The following LIMD1 variants were observed in gnomAD, a reference collection of about 807,000 sequenced individuals.
LIMD1 encodes the protein LIM domain containing 1, also known as LIM domain-containing protein 1.
Under a neutral mutation model 58.4 loss-of-function variants are expected in LIMD1, and 23 were observed. The observed-to-expected ratio is 0.39, with a 90% CI of 0.28 to 0.56. LIMD1 has a LOEUF of 0.56. Among genes scored for constraint, LIMD1 ranks in the 20% least tolerant of loss-of-function variants. The pLI is 0.57. For missense variants in LIMD1, 838 were observed against 855.5 expected, an observed-to-expected ratio of 0.98 and a Z score of 0.25; for synonymous variants, 334 against 345.5, an observed-to-expected ratio of 0.97 and a Z score of 0.37.
intron 2 of LIMD1, among the ~76,000 whole-genome samples, chr3:45,641,089 T>G (rs1340534059): frequency 6.6e-6 from 1 of 152,162 alleles, no homozygotes; most frequent in Non-Finnish European, 1.5e-5. Context: ...AGGTCCTGAG[T>G]GTGTCTCTGT....
At chr3:45,599,985 A>G (rs1281356318) in intron 1 of LIMD1, among the ~76,000 whole-genome samples, 1 of 152,138 alleles carries the variant, frequency 6.6e-6, no homozygotes, top group Non-Finnish European at 1.5e-5. Flanking sequence ...AAGAGACCAC[A>G]TGCTCCTCCA....
chr3:45,631,188 GTGAGACTCTGTCTCAAATA>G (rs1701729414), intron 1 of LIMD1, among the ~76,000 whole-genome samples: 1 of 151,924 alleles, frequency 6.6e-6, no homozygotes, highest in African/African-American at 2.4e-5. Flanking sequence ...GGATGACAGA[GTGAGACTCTGTCTCAAATA>G]ATAATAATAA....
At position 45,683,310 on chromosome 3, in the gene LIMD1, C is replaced by T. The variant is rs1697767195; in HGVS notation, c.*6251C>T. 6.6e-6 allele frequency: 1 copy of T among 152,230 alleles called. No individual in the cohort carries two copies. Among genetic ancestry groups the T allele is most frequent in the Non-Finnish European group, 1.5e-5 (1 of 68,062 alleles). 9.4% of individuals were successfully genotyped at this position (152,230 alleles called of 1,614,324 possible). A position where few individuals can be genotyped will look rare whatever the true frequency, so the allele number is the denominator to read the frequency against. On this transcript the variant is annotated 3_prime_UTR_variant, in exon 8 of 8. Coordinates refer to ENST00000273317, the MANE Select transcript of LIMD1 (RefSeq NM_014240.3). ...GCTTCCTAAGGCCAATTCAGGCTGA[C>T]TTCCTAGAACTAAGTCAAAAGGAAA...
At chr3:45,617,878 A>G (rs1701589893) in intron 1 of LIMD1, among the ~76,000 whole-genome samples, 1 of 152,110 alleles carries the variant, frequency 6.6e-6, no homozygotes, top group Non-Finnish European at 1.5e-5. Flanking sequence ...CTCTACCAAC[A>G]GTTTTCACTT....
At chr3:45,608,559 C>T (rs993114538) in intron 1 of LIMD1, among the ~76,000 whole-genome samples, 4 of 151,984 alleles carry the variant, frequency 2.6e-5, no homozygotes, top group Admixed American at 6.6e-5. Flanking sequence ...AGGAGAATGA[C>T]GCTGGGCACG....
intron 2 of LIMD1, among the ~76,000 whole-genome samples, chr3:45,660,380 A>T: frequency 7.1e-6 from 1 of 140,368 alleles, no homozygotes; most frequent in East Asian, 2.2e-4. Context: ...TTACTGGTTG[A>T]GCAAGCTTCT....
chr3:45,602,367 G>A (rs193132423), intron 1 of LIMD1, among the ~76,000 whole-genome samples: 206 of 152,266 alleles, frequency 1.4e-3, no homozygotes, highest in African/African-American at 4.8e-3. Context: ...CATTCTGCTC[G>A]CTGTTAGGAC....
At chr3:45,600,095 G>T (rs1358449164) in intron 1 of LIMD1, among the ~76,000 whole-genome samples, 1 of 152,182 alleles carries the variant, frequency 6.6e-6, no homozygotes, top group African/African-American at 2.4e-5. Context: ...TTACTTGAAA[G>T]ATTTTGTCTA....
rs1427062046 is a variant in LIMD1 at position 45,683,752 on chromosome 3, T to C, written c.*6693T>C. On this transcript the variant is annotated 3_prime_UTR_variant, in exon 8 of 8. Transcript: ENST00000273317. ...AACCGGGTTCTTGAGCTGCTTGGGCTGCTCCCACCCTGTGGAGCGTACTTT... is the reference window on the plus strand; with the variant it reads ...AACCGGGTTCTTGAGCTGCTTGGGCCGCTCCCACCCTGTGGAGCGTACTTT... 6.6e-6 allele frequency: 1 copy of C among 152,254 alleles called. No homozygotes were observed. The highest frequency in any genetic ancestry group is 2.4e-5 in the African/African-American group (1 of 41,466). 9.4% of individuals were successfully genotyped at this position (152,254 alleles called of 1,614,324 possible).
intron 4 of LIMD1, among the ~76,000 whole-genome samples, chr3:45,670,173 C>A (rs1435752201): frequency 3.3e-5 from 5 of 152,170 alleles, no homozygotes; most frequent in Admixed American, 1.3e-4. Flanking sequence ...GGCTCTATTT[C>A]TTTAGCAGAA....
Position 45,685,262 on chromosome 3 carries a change from T to G in LIMD1, c.*8203T>G, listed in dbSNP as rs1228086539. ...ATCTGATTTTGGCTTGTTTGGCCTT[T>G]AAAAACCCCAGAAGAATGGGGTTTC... is the stretch of plus-strand genomic sequence containing the variant. On this transcript the variant is annotated 3_prime_UTR_variant, in exon 8 of 8. Coordinates refer to ENST00000273317, the MANE Select transcript of LIMD1 (RefSeq NM_014240.3). 6.6e-6 allele frequency: 1 copy of G among 152,190 alleles called. No homozygotes were observed. Among genetic ancestry groups the G allele is most frequent in the Non-Finnish European group, 1.5e-5 (1 of 68,034 alleles). 9.4% of individuals were successfully genotyped at this position (152,190 alleles called of 1,614,324 possible). A position where few individuals can be genotyped will look rare whatever the true frequency, so the allele number is the denominator to read the frequency against.
intron 3 of LIMD1, 117 bp from the exon 4 acceptor site, chr3:45,668,177 T>A: frequency 2.6e-6 from 2 of 757,300 alleles, no homozygotes; most frequent in South Asian, 3.3e-5. Context: ...ATGACAGAAT[T>A]CTGCACAGAG....
chr3:45,657,465 C>T (rs1697351612), intron 2 of LIMD1, among the ~76,000 whole-genome samples: 1 of 146,298 alleles, frequency 6.8e-6, no homozygotes, highest in Non-Finnish European at 1.5e-5. Flanking sequence ...TTCGAGGCTG[C>T]AGTGAGCTAT....
intron 2 of LIMD1, among the ~76,000 whole-genome samples, chr3:45,663,644 T>C (rs1697472533): frequency 6.6e-6 from 1 of 152,220 alleles, no homozygotes; most frequent in African/African-American, 2.4e-5. Context: ...TTTCTCTTCC[T>C]GCCCTTTGCT....
chr3:45,649,512 T>C (rs891571422), intron 2 of LIMD1, among the ~76,000 whole-genome samples: 2 of 151,292 alleles, frequency 1.3e-5, no homozygotes, highest in East Asian at 3.9e-4. Flanking sequence ...AAACCCCGTC[T>C]CTACTAAAAA....
intron 3 of LIMD1, among the ~76,000 whole-genome samples, chr3:45,667,497 T>C (rs1697535410): frequency 6.6e-6 from 1 of 151,320 alleles, no homozygotes; most frequent in Non-Finnish European, 1.5e-5. Context: ...TTTCATAAGG[T>C]TTCCCCCAGT....
Position 45,601,938 on chromosome 3 carries a change from G to T in LIMD1, c.1408+5651G>T, listed in dbSNP as rs1020159208. Among the ~76,000 whole-genome samples the T allele has an allele frequency of 6.0e-4, 90 of 150,488 alleles. 2 individuals carry two copies. The highest frequency in any genetic ancestry group is 2.1e-3 in the African/African-American group (85 of 40,652). On this transcript the variant is annotated intron_variant, in intron 1 of 7. Coordinates refer to ENST00000273317, the MANE Select transcript of LIMD1 (RefSeq NM_014240.3). ...GCCTTCTTCCCCCATATTTCAGGCT[G>T]TGGACTTTTTTTTTTTTTTTTTGAG...
intron 2 of LIMD1, among the ~76,000 whole-genome samples, chr3:45,648,279 C>T (rs1701927685): frequency 6.6e-6 from 1 of 152,204 alleles, no homozygotes; most frequent in South Asian, 2.1e-4. Context: ...TAAGCAACCA[C>T]TGATCTTCCT....
intron 1 of LIMD1, among the ~76,000 whole-genome samples, chr3:45,621,060 A>G (rs1430953155): frequency 6.6e-6 from 1 of 152,192 alleles, no homozygotes; most frequent in Non-Finnish European, 1.5e-5. Context: ...TCGGGACAGC[A>G]TGCAAGATAA....
Sources: allele counts gnomAD v4.1 joint callset (sites outside exome capture counted in the v4.1 genomes callset), GRCh38; gene constraint gnomAD v4.1.1; transcripts MANE v1.5; gene names NCBI Gene and HGNC (gene_info 2026-07-23, HGNC 2026-07-21).